Variants in CHD1L observed in about 807,000 individuals in gnomAD.
CHD1L encodes chromodomain helicase DNA binding protein 1 like, also known as ATP-dependent chromatin remodeler CHD1L.
A neutral mutation model predicts 115.9 loss-of-function variants in CHD1L; 118 were observed. The ratio of observed to expected loss-of-function variants is 1.02; its 90% CI spans 0.88 to 1.19. The LOEUF (loss-of-function observed/expected upper bound fraction) is 1.19. CHD1L is among the 50% of genes most tolerant of loss of function. The pLI is 0.00. For missense variants in CHD1L, 1,179 were observed against 1,065.3 expected, an observed-to-expected ratio of 1.11 and a Z score of -1.49; for synonymous variants, 411 against 387.1, an observed-to-expected ratio of 1.06 and a Z score of -0.72.
intron 5 of CHD1L, 100 bp from the exon 6 acceptor site, chr1:147,259,737 A>T: frequency 1.0e-6 from 1 of 989,938 alleles, no homozygotes; most frequent in Non-Finnish European, 1.6e-6. Flanking sequence ...GCTTACTGTT[A>T]AGTCTTTTTA....
At chr1:147,178,118 G>A in the CHD1L span, 7 of 1,586,130 alleles carry the variant, frequency 4.4e-6, no homozygotes. Context: ...GCCGCCATGT[G>A]CCTCCGCCGC....
the CHD1L span, among the ~76,000 whole-genome samples, chr1:147,234,805 G>C: frequency 1.3e-5 from 2 of 152,280 alleles, no homozygotes; most frequent in Non-Finnish European, 2.9e-5. Flanking sequence ...ATTTTAACCA[G>C]CATGGCCCTT....
intron 19 of CHD1L, among the ~76,000 whole-genome samples, chr1:147,290,475 C>T (rs782169962): frequency 2.2e-4 from 33 of 152,096 alleles, no homozygotes; most frequent in South Asian, 4.1e-4. Context: ...GGCACCACGC[C>T]GAGGTTGGGC....
chr1:147,247,179 A>G (rs74839923), intron 1 of CHD1L, among the ~76,000 whole-genome samples: 1 of 152,348 alleles, frequency 6.6e-6, no homozygotes, highest in African/African-American at 2.4e-5. Context: ...TGGTCAGAGA[A>G]CATACTCTGT....
chr1:147,224,893 A>T, the CHD1L span: 1 of 1,613,896 alleles, frequency 6.2e-7, no homozygotes, highest in Non-Finnish European at 8.5e-7. Context: ...AGATGTATGT[A>T]CCTGGAACCT....
the CHD1L span, among the ~76,000 whole-genome samples, chr1:147,195,283 C>T: frequency 2.0e-5 from 3 of 152,044 alleles, no homozygotes; most frequent in Admixed American, 1.3e-4. Context: ...GATATCCTAC[C>T]AAACCCAAAT....
At chr1:147,270,300 A>G (rs11579626) in intron 10 of CHD1L, among the ~76,000 whole-genome samples, 1 of 152,188 alleles carries the variant, frequency 6.6e-6, no homozygotes, top group Non-Finnish European at 1.5e-5. Flanking sequence ...GACTTACTCC[A>G]TCATTTTGCC....
chr1:147,224,890 T>G, the CHD1L span: 117 of 1,613,734 alleles, frequency 7.3e-5, no homozygotes, highest in Middle Eastern at 4.9e-4. Flanking sequence ...AGGAGATGTA[T>G]GTACCTGGAA....
At chr1:147,274,295 T>C (rs1677420793) in intron 12 of CHD1L, among the ~76,000 whole-genome samples, 1 of 152,170 alleles carries the variant, frequency 6.6e-6, no homozygotes, top group Admixed American at 6.5e-5. Context: ...GCCTGGCAAG[T>C]AGTAAGCACA....
chr1:147,214,583 T>C, the CHD1L span, among the ~76,000 whole-genome samples: 5 of 152,124 alleles, frequency 3.3e-5, no homozygotes, highest in East Asian at 9.6e-4. Context: ...CACCCTTTTA[T>C]TCCTTATTTG....
chr1:147,225,350 T>A, the CHD1L span: 1 of 321,960 alleles, frequency 3.1e-6, no homozygotes, highest in South Asian at 4.5e-5. Flanking sequence ...AACAGGCGGC[T>A]GTTGTCAAAT....
At chr1:147,225,208 A>G in the CHD1L span, 1 of 1,431,786 alleles carries the variant, frequency 7.0e-7, no homozygotes, top group Non-Finnish European at 9.1e-7. Flanking sequence ...ACCAGAGGAA[A>G]TCTTTCTGCT....
At chr1:147,259,813 G>A (rs1671312987) in intron 5 of CHD1L, 24 bp from the exon 6 acceptor site, 2 of 1,598,684 alleles carry the variant, frequency 1.3e-6, no homozygotes, top group African/African-American at 1.3e-5. Context: ...ACACAAAACT[G>A]AAAGCTTGGG....
chr1:147,215,830 A>G, the CHD1L span: 2 of 1,613,496 alleles, frequency 1.2e-6, no homozygotes, highest in Non-Finnish European at 1.7e-6. Context: ...GGCATTATGC[A>G]TGAAGTTGGG....
At chr1:147,174,047 C>G in the CHD1L span, among the ~76,000 whole-genome samples, 1 of 152,170 alleles carries the variant, frequency 6.6e-6, no homozygotes, top group African/African-American at 2.4e-5. Context: ...TTTGCTGAAA[C>G]GTTCATTTTT....
chr1:147,176,568 T>C, the CHD1L span, among the ~76,000 whole-genome samples: 5,614 of 152,342 alleles, frequency 0.037, 147 homozygotes, highest in South Asian at 0.095. Flanking sequence ...GAGGAGCACA[T>C]GCTCTGGAAA....
chr1:147,261,517 T>A (rs1291378493), intron 6 of CHD1L, among the ~76,000 whole-genome samples: 1 of 152,100 alleles, frequency 6.6e-6, no homozygotes, highest in Non-Finnish European at 1.5e-5. Flanking sequence ...AACACCTGAA[T>A]TTTGAAGGAA....
the CHD1L span, among the ~76,000 whole-genome samples, chr1:147,233,559 G>A: frequency 6.6e-6 from 1 of 151,884 alleles, no homozygotes; most frequent in Non-Finnish European, 1.5e-5. Context: ...GAAGTGAGAA[G>A]CCCCTCTGCC....
intron 17 of CHD1L, among the ~76,000 whole-genome samples, chr1:147,285,818 T>G (rs1682872883): frequency 6.6e-6 from 1 of 152,080 alleles, no homozygotes; most frequent in Admixed American, 6.6e-5. Context: ...CACTATAACC[T>G]CCCTAGTAGC....
Sources: allele counts gnomAD v4.1 joint callset (sites outside exome capture counted in the v4.1 genomes callset), GRCh38; gene constraint gnomAD v4.1.1; transcripts MANE v1.5; gene names NCBI Gene and HGNC (gene_info 2026-07-23, HGNC 2026-07-21).